CHRNB4: variants seen among roughly 807,000 people sequenced by gnomAD.
The protein encoded by CHRNB4 is cholinergic receptor nicotinic beta 4 subunit.
A neutral mutation model predicts 40.4 loss-of-function variants in CHRNB4; 23 were observed. The ratio of observed to expected loss-of-function variants is 0.57; its 90% CI spans 0.41 to 0.81. The LOEUF is 0.81. CHRNB4 is among the 30% of genes least tolerant of loss of function. The pLI is 0.00. For synonymous variants in CHRNB4, 285 were observed against 274.4 expected (o/e 1.04, Z -0.38); for missense variants, 568 against 670.6 (o/e 0.85, Z 1.69).
chr15:78,637,833 G>GC (rs1368753164), intron 1 of CHRNB4, among the ~76,000 whole-genome samples: 3 of 152,140 alleles, frequency 2.0e-5, no homozygotes, highest in African/African-American at 7.2e-5. Context: ...CCCCCAGGCT[G>GC]CCCTGGGCTC....
In CHRNB4 at chr15:78,635,484, G is replaced by A. The variant is rs770702080; in HGVS notation, c.159C>T (p.Leu53=). ...GGGAGAGCTGCAGCTTGATGGAGAT[G>A]AGCTGTGAGGAGCTGGTGGCTGGGC... ...LIRPATSSSQ[L]ISIKLQLSLA... Residue 53 remains leucine (L), a synonymous_variant, in exon 2 of 6, where the codon CTC becomes CTT. Transcript: ENST00000261751. 24 of 1,614,184 alleles carry A rather than the reference G, an allele frequency of 1.5e-5. No individual in the cohort carries two copies. Among genetic ancestry groups the A allele is most frequent in the Non-Finnish European group, 1.9e-5 (22 of 1,180,026 alleles).
chr15:78,640,930 C>G (rs1232887893), intron 1 of CHRNB4, 149 bp downstream of exon 1: 1 of 913,432 alleles, frequency 1.1e-6, no homozygotes, highest in Admixed American at 2.8e-5. Context: ...CGAGTGGGCT[C>G]AGCCCTGCCC....
chr15:78,638,634 G>GT (rs1352085799), intron 1 of CHRNB4, among the ~76,000 whole-genome samples: 2 of 152,024 alleles, frequency 1.3e-5, no homozygotes, highest in Non-Finnish European at 2.9e-5. Flanking sequence ...GGGCCGGGGG[G>GT]GTGGTGCACT....
At chr15:78,632,171 C>CTCTT (rs1274535496) in intron 2 of CHRNB4, among the ~76,000 whole-genome samples, 4 of 4,448 alleles carry the variant, frequency 9.0e-4, no homozygotes, top group Admixed American at 7.6e-3. Context: ...TCTTTTCTTT[C>CTCTT]TCTTTCTTTC....
Position 78,625,052 on chromosome 15 carries a change from T to TC in CHRNB4, c.*80dup. On this transcript the variant is annotated 3_prime_UTR_variant, in exon 6 of 6. Transcript: ENST00000261751. The stretch of plus-strand genomic sequence containing the variant: ...AATGCTCACATATTTACTTAGGGCC[T>TC]CATCAGCCACAACCCAGAAAGAAGC... 6.2e-7 allele frequency: 1 copy of TC among 1,608,366 alleles called. No individual in the cohort carries two copies. Among genetic ancestry groups the TC allele is most frequent in the South Asian group, 1.1e-5 (1 of 91,088 alleles).
intron 5 of CHRNB4, among the ~76,000 whole-genome samples, chr15:78,654,447 G>A (rs1275776706): frequency 6.6e-6 from 1 of 152,252 alleles, no homozygotes; most frequent in African/African-American, 2.4e-5. Flanking sequence ...GCCTGGATTA[G>A]GAGAGACTGC....
intron 5 of CHRNB4, chr15:78,627,096 A>G (rs1019197523): frequency 2.0e-5 from 3 of 152,262 alleles, no homozygotes; most frequent in Non-Finnish European, 2.9e-5. Context: ...AGTGTTGCCC[A>G]CGTGGTTCTC....
intron 1 of CHRNB4, among the ~76,000 whole-genome samples, chr15:78,640,426 G>C (rs963632165): frequency 1.3e-5 from 2 of 152,182 alleles, no homozygotes; most frequent in Non-Finnish European, 1.5e-5. Context: ...GTCCAGGCCC[G>C]GCACACCTCG....
upstream of CHRNB4, among the ~76,000 whole-genome samples, chr15:78,641,932 C>G (rs1471369388): frequency 6.6e-6 from 1 of 152,232 alleles, no homozygotes; most frequent in Non-Finnish European, 1.5e-5. Flanking sequence ...GGGACAGCCC[C>G]CACCTCGGGA....
chr15:78,635,407 G>A lies in CHRNB4; in HGVS notation c.204+32C>T, dbSNP rs148591661. ...TTGGGCATGAGCGGCCTCTCCACCT[G>A]AGCCTGAGCCACAGCTGCCCTCTGC... On this transcript the variant is annotated intron_variant, in intron 2 of 5. Transcript: ENST00000261751. 4.4e-4 allele frequency: 712 copies of A among 1,608,584 alleles called. 4 individuals are homozygous for A. The African/African-American group carries it at 8.6e-3, about 20-fold the overall frequency.
chr15:78,624,893 G>C lies in CHRNB4; in HGVS notation c.*240C>G. ...TGCCCGGTGCAGGGAAGGAAGACAG[G>C]CCAGAATTGAACTGTCTGAAGCTCC... On this transcript the variant is annotated 3_prime_UTR_variant, in exon 6 of 6. Transcript: ENST00000261751. 7.3e-7 allele frequency: 1 copy of C among 1,376,476 alleles called. No homozygotes were observed. The highest frequency in any genetic ancestry group is 2.5e-5 in the East Asian group (1 of 39,720). 85.3% of individuals were successfully genotyped at this position (1,376,476 alleles called of 1,614,324 possible).
chr15:78,660,289 C>T (rs927194788), intron 1 of CHRNB4, among the ~76,000 whole-genome samples: 1 of 152,094 alleles, frequency 6.6e-6, no homozygotes, highest in Non-Finnish European at 1.5e-5. Flanking sequence ...TATGGGGTAG[C>T]CCTGTCCCAC....
intron 5 of CHRNB4, chr15:78,626,343 T>TGG (rs2053655084): frequency 1.0e-4 from 1 of 9,942 alleles, no homozygotes; most frequent in African/African-American, 2.1e-4. Flanking sequence ...CAAGCGGGGG[T>TGG]GTGTGTGTGT....
At chr15:78,637,259 C>G (rs1296495219) in intron 1 of CHRNB4, among the ~76,000 whole-genome samples, 1 of 152,154 alleles carries the variant, frequency 6.6e-6, no homozygotes, top group Non-Finnish European at 1.5e-5. Flanking sequence ...ATGTCATCTC[C>G]CTCACCTGTC....
At chr15:78,658,742 G>A (rs551794238) in intron 1 of CHRNB4, among the ~76,000 whole-genome samples, 2 of 151,784 alleles carry the variant, frequency 1.3e-5, no homozygotes, top group Non-Finnish European at 2.9e-5. Context: ...TGAAGAGGGG[G>A]AAAAAAAAGC....
chr15:78,628,920 G>A (rs1026754896), intron 5 of CHRNB4, 47 bp downstream of exon 5: 4 of 1,568,186 alleles, frequency 2.6e-6, no homozygotes, highest in Non-Finnish European at 3.5e-6. Flanking sequence ...GCTACTATCT[G>A]AGCCCTTTCT....
intron 7 of CHRNB4, among the ~76,000 whole-genome samples, chr15:78,648,552 G>C (rs759574416): frequency 2.0e-5 from 3 of 150,950 alleles, no homozygotes; most frequent in African/African-American, 7.3e-5. Flanking sequence ...TCAAGAGTTC[G>C]AGACCAGCCT....
chr15:78,648,552 G>A (rs759574416), intron 7 of CHRNB4, among the ~76,000 whole-genome samples: 13 of 151,064 alleles, frequency 8.6e-5, no homozygotes, highest in Non-Finnish European at 1.3e-4. Flanking sequence ...TCAAGAGTTC[G>A]AGACCAGCCT....
intron 5 of CHRNB4, among the ~76,000 whole-genome samples, chr15:78,654,489 C>A (rs977958136): frequency 2.6e-5 from 4 of 152,224 alleles, no homozygotes; most frequent in Non-Finnish European, 4.4e-5. Context: ...GTGTCCTGGG[C>A]TTGCAATCTG....
Sources: allele counts gnomAD v4.1 joint callset (sites outside exome capture counted in the v4.1 genomes callset), GRCh38; gene constraint gnomAD v4.1.1; transcripts MANE v1.5; gene names NCBI Gene and HGNC (gene_info 2026-07-23, HGNC 2026-07-21).